KCNQ5: variants seen among roughly 807,000 people sequenced by gnomAD.
KCNQ5 encodes the protein potassium voltage-gated channel subfamily Q member 5, also known as potassium voltage-gated channel subfamily KQT member 5.
Under a neutral mutation model 98.2 loss-of-function variants are expected in KCNQ5, and 30 were observed. The observed-to-expected ratio is 0.31, with a 90% CI of 0.23 to 0.41. The LOEUF is 0.41. KCNQ5 is among the 10% of genes least tolerant of loss of function. The pLI is 1.00. For synonymous variants in KCNQ5, 458 were observed against 449.4 expected (o/e 1.02, Z -0.24); for missense variants, 835 against 1,182.5 (o/e 0.71, Z 4.31).
rs9343008 is a variant in KCNQ5 at position 73,117,616 on chromosome 6, G to A, written c.1126-2867G>A. 2.0e-5 allele frequency among the ~76,000 whole-genome samples: 3 copies of A among 152,206 alleles called. No homozygotes were observed. The East Asian group carries it at 5.8e-4, about 29-fold the overall frequency. On this transcript the variant is annotated intron_variant, in intron 7 of 13. Transcript: ENST00000370398. ...GATTTTTTCACTGGTATCTAATAATGTGCAGACCTGCCATATGCTTCTAGT... is the reference window on the plus strand; with the variant it reads ...GATTTTTTCACTGGTATCTAATAATATGCAGACCTGCCATATGCTTCTAGT...
chr6:72,651,944 A>C (rs1329625346), intron 1 of KCNQ5, among the ~76,000 whole-genome samples: 2 of 151,906 alleles, frequency 1.3e-5, no homozygotes, highest in Non-Finnish European at 2.9e-5. Context: ...CTGTTGTAAA[A>C]CTCAGATTAT....
At chr6:73,005,613 G>A (rs183155356) in intron 2 of KCNQ5, among the ~76,000 whole-genome samples, 6 of 151,314 alleles carry the variant, frequency 4.0e-5, no homozygotes, top group Admixed American at 3.3e-4. Flanking sequence ...AAACTGATTA[G>A]TATCTTGACT....
intron 1 of KCNQ5, among the ~76,000 whole-genome samples, chr6:72,645,767 T>A (rs2154472193): frequency 6.6e-6 from 1 of 152,236 alleles, no homozygotes; most frequent in East Asian, 1.9e-4. Flanking sequence ...CTTGGCTTCT[T>A]GAATGAGTTT....
chr6:73,142,735 G>A (rs1270744827), intron 10 of KCNQ5, among the ~76,000 whole-genome samples: 1 of 152,080 alleles, frequency 6.6e-6, no homozygotes, highest in Non-Finnish European at 1.5e-5. Flanking sequence ...GGTCAACATG[G>A]TGAAACCCTG....
At chr6:72,662,253 T>G (rs1329682477) in intron 1 of KCNQ5, among the ~76,000 whole-genome samples, 3 of 152,170 alleles carry the variant, frequency 2.0e-5, no homozygotes, top group Admixed American at 6.6e-5. Context: ...CAATTTATCC[T>G]TAATATTTTT....
At chr6:72,835,524 C>T (rs1776468147) in intron 1 of KCNQ5, among the ~76,000 whole-genome samples, 2 of 152,038 alleles carry the variant, frequency 1.3e-5, no homozygotes, top group Admixed American at 6.6e-5. Context: ...TGAAATTTCA[C>T]TCACTATTTT....
chr6:73,083,734 T>C (rs759447088), intron 5 of KCNQ5, among the ~76,000 whole-genome samples: 29 of 152,248 alleles, frequency 1.9e-4, no homozygotes, highest in Non-Finnish European at 3.5e-4. Context: ...AAGACTTCTC[T>C]GTGTATTCTC....
chr6:73,166,782 G>A (rs1777819823), intron 10 of KCNQ5, among the ~76,000 whole-genome samples: 1 of 152,102 alleles, frequency 6.6e-6, no homozygotes, highest in Admixed American at 6.6e-5. Flanking sequence ...GATTGGTGGG[G>A]GCCAACAATC....
intron 1 of KCNQ5, among the ~76,000 whole-genome samples, chr6:72,996,267 C>T (rs916134929): frequency 1.3e-5 from 2 of 152,154 alleles, no homozygotes; most frequent in Non-Finnish European, 1.5e-5. Flanking sequence ...CCAAATTCAC[C>T]TTTGAGCCTC....
At chr6:72,645,310 C>T (rs1765538373) in intron 1 of KCNQ5, among the ~76,000 whole-genome samples, 1 of 150,532 alleles carries the variant, frequency 6.6e-6, no homozygotes, top group African/African-American at 2.4e-5. Flanking sequence ...CACCTGAGCT[C>T]AGGAGTTTGC....
At chr6:72,923,936 A>G (rs1336622788) in intron 1 of KCNQ5, among the ~76,000 whole-genome samples, 3 of 152,188 alleles carry the variant, frequency 2.0e-5, no homozygotes. Context: ...TTAGGGGATA[A>G]TTTTTTAACA....
intron 1 of KCNQ5, among the ~76,000 whole-genome samples, chr6:72,930,212 C>G (rs1232149379): frequency 1.4e-5 from 2 of 140,084 alleles, no homozygotes; most frequent in Non-Finnish European, 3.2e-5. Flanking sequence ...ATATTTGCCA[C>G]ATTGTTAATT....
intron 1 of KCNQ5, among the ~76,000 whole-genome samples, chr6:72,698,239 G>T (rs1768603171): frequency 6.6e-6 from 1 of 151,720 alleles, no homozygotes; most frequent in South Asian, 2.1e-4. Flanking sequence ...TTTCACTCTT[G>T]TTGCCCAGGT....
At chr6:72,892,195 T>C (rs549772618) in intron 1 of KCNQ5, among the ~76,000 whole-genome samples, 1 of 152,200 alleles carries the variant, frequency 6.6e-6, no homozygotes, top group Non-Finnish European at 1.5e-5. Flanking sequence ...CTCTAAGTAC[T>C]TTAATTAAAA....
intron 1 of KCNQ5, among the ~76,000 whole-genome samples, chr6:72,670,181 T>C (rs1162935787): frequency 2.0e-5 from 3 of 152,224 alleles, no homozygotes; most frequent in Non-Finnish European, 2.9e-5. Context: ...TAAGTTTTAA[T>C]CAGCTGTTCC....
intron 9 of KCNQ5, 192 bp downstream of exon 9, chr6:73,124,704 C>T (rs1775878803): frequency 3.3e-6 from 2 of 606,010 alleles, no homozygotes; most frequent in South Asian, 2.0e-5. Context: ...CTTTCCCTAA[C>T]TCACTCCCTG....
intron 1 of KCNQ5, among the ~76,000 whole-genome samples, chr6:72,981,188 G>A (rs570988225): frequency 1.4e-4 from 22 of 152,236 alleles, no homozygotes; most frequent in Admixed American, 1.2e-3. Flanking sequence ...GAGTTAGGGA[G>A]GATTCCCTCT....
intron 1 of KCNQ5, among the ~76,000 whole-genome samples, chr6:72,831,473 G>A (rs888996490): frequency 4.0e-5 from 6 of 151,090 alleles, no homozygotes; most frequent in East Asian, 2.0e-4. Context: ...GCAGACTATC[G>A]CAAGGACAAA....
intron 7 of KCNQ5, among the ~76,000 whole-genome samples, chr6:73,118,812 G>A (rs1413410829): frequency 6.6e-6 from 1 of 152,156 alleles, no homozygotes; most frequent in East Asian, 1.9e-4. Context: ...CCTGAGGTGA[G>A]GAGTTCAAGA....
Sources: gnomAD v4.1 joint callset for allele counts (sites outside exome capture counted in the v4.1 genomes callset) on GRCh38, gnomAD v4.1.1 for gene constraint, MANE v1.5 for transcripts, NCBI Gene and HGNC (gene_info 2026-07-23, HGNC 2026-07-21) for gene names.